The following PPM1A variants were observed in gnomAD, a reference collection of about 807,000 sequenced individuals.
PPM1A encodes the protein protein phosphatase 1A.
A neutral mutation model predicts 35.0 loss-of-function variants in PPM1A; 7 were observed. The ratio of observed to expected loss-of-function variants is 0.20; its 90% confidence interval spans 0.11 to 0.38. The LOEUF (loss-of-function observed/expected upper bound fraction) is 0.38. PPM1A is among the 10% of genes least tolerant of loss of function. The probability of loss-of-function intolerance (pLI) is 1.00; values close to 1 mark genes in which losing one functional copy is unlikely to be tolerated. For missense variants in PPM1A, 239 were observed against 467.8 expected (o/e 0.51, Z 4.51); for synonymous variants, 153 against 167.3 (o/e 0.91, Z 0.66).
chr14:60,265,214 C>T (rs1427731278), intron 1 of PPM1A, among the ~76,000 whole-genome samples: 3 of 152,210 alleles, frequency 2.0e-5, no homozygotes, highest in African/African-American at 7.2e-5. Context: ...ATCTATATTT[C>T]TTCTCACTGG....
At chr14:60,259,456 G>A (rs889055540) in intron 1 of PPM1A, among the ~76,000 whole-genome samples, 2 of 152,006 alleles carry the variant, frequency 1.3e-5, no homozygotes, top group African/African-American at 4.8e-5. Flanking sequence ...AGGATGGATT[G>A]GATCAGGAAG....
At chr14:60,286,555 A>G (rs1296611412) in intron 3 of PPM1A, 2 of 985,246 alleles carry the variant, frequency 2.0e-6, no homozygotes, top group East Asian at 2.3e-4. Context: ...AAATAGCGTT[A>G]AAATGCATTT....
rs933457390 is a variant in PPM1A, at chr14:60,249,352, T to C, written c.-346T>C. On this transcript the variant is annotated 5_prime_UTR_variant, in exon 1 of 6. Coordinates refer to ENST00000395076, the MANE Select transcript of PPM1A (RefSeq NM_021003.5). The surrounding 1 kb of genome is among the most constrained non-coding windows in gnomAD (Gnocchi z 4.5). Reference sequence around the variant, plus strand: ...CGGCTGTTGCTCCGGAACGGGTGGTTGGGGAGGGGGGGGTGGGGGGACTCT... The same window carrying C: ...CGGCTGTTGCTCCGGAACGGGTGGTCGGGGAGGGGGGGGTGGGGGGACTCT... 2.9e-5 allele frequency: 6 copies of C among 209,832 alleles called. No homozygotes were observed. Among genetic ancestry groups the C allele is most frequent in the Non-Finnish European group, 2.7e-5 (5 of 187,716 alleles). 13.0% of individuals were successfully genotyped at this position (209,832 alleles called of 1,614,324 possible).
upstream of PPM1A, among the ~76,000 whole-genome samples, chr14:60,247,367 C>T (rs1428329495): frequency 6.6e-6 from 1 of 152,034 alleles, no homozygotes; most frequent in East Asian, 1.9e-4. Context: ...CAGTGGCTCA[C>T]GACTGTAATC....
chr14:60,278,870 A>G (rs1886062980), intron 1 of PPM1A, among the ~76,000 whole-genome samples: 1 of 152,148 alleles, frequency 6.6e-6, no homozygotes, highest in African/African-American at 2.4e-5. Context: ...TATCCTTCCT[A>G]CCTTCTAATG....
At position 60,249,352 on chromosome 14, in the gene PPM1A, T is replaced by TGGGGAGGGG. The variant is rs1882033998; in HGVS notation, c.-341_-333dup. On this transcript the variant is annotated 5_prime_UTR_variant, in exon 1 of 6. Transcript: ENST00000395076. The surrounding 1 kb of genome is among the most constrained non-coding windows in gnomAD (Gnocchi z 4.5). Reference sequence around the variant, plus strand: ...CGGCTGTTGCTCCGGAACGGGTGGTTGGGGAGGGGGGGGTGGGGGGACTCT... The same window carrying TGGGGAGGGG: ...CGGCTGTTGCTCCGGAACGGGTGGTTGGGGAGGGGGGGGAGGGGGGGGTGGGGGGACTCT... The TGGGGAGGGG allele has an allele frequency of 4.8e-6, 1 of 209,746 alleles. No individual in the cohort carries two copies. The highest frequency in any genetic ancestry group is 5.3e-6 in the Non-Finnish European group (1 of 187,646). The allele number at this position is 209,746 out of a possible 1,614,324, so 13.0% of individuals were successfully genotyped here.
intron 1 of PPM1A, among the ~76,000 whole-genome samples, chr14:60,251,095 G>T (rs931015196): frequency 6.6e-6 from 1 of 152,168 alleles, no homozygotes; most frequent in African/African-American, 2.4e-5. Flanking sequence ...TTTTGTTCTT[G>T]TTATGTGTAA....
chr14:60,293,050 A>G lies in PPM1A; in HGVS notation c.*568A>G, dbSNP rs1253571051. ...AAATGTTCTTGGTAGGGGAGTTGGCATTGTTGATAAAGCCAGTCCCTTCAT... is the reference window on the plus strand; with the variant it reads ...AAATGTTCTTGGTAGGGGAGTTGGCGTTGTTGATAAAGCCAGTCCCTTCAT... On this transcript the variant is annotated 3_prime_UTR_variant, in exon 6 of 6. Coordinates refer to ENST00000395076, the MANE Select transcript of PPM1A (RefSeq NM_021003.5). The surrounding 1 kb of genome is among the most constrained non-coding windows in gnomAD (Gnocchi z 4.0). 1 of 152,128 alleles carries G rather than the reference A, an allele frequency of 6.6e-6. No individual in the cohort carries two copies. Among genetic ancestry groups the G allele is most frequent in the African/African-American group, 2.4e-5 (1 of 41,414 alleles). 9.4% of individuals were successfully genotyped at this position (152,128 alleles called of 1,614,324 possible). A position where few individuals can be genotyped will look rare whatever the true frequency, so the allele number is the denominator to read the frequency against.
At chr14:60,254,984 C>T (rs1882883240) in intron 1 of PPM1A, among the ~76,000 whole-genome samples, 1 of 152,104 alleles carries the variant, frequency 6.6e-6, no homozygotes, top group African/African-American at 2.4e-5. Context: ...GATCTTTGCT[C>T]ATGCTAGTGT....
At chr14:60,257,735 A>C (rs2139359266) in intron 1 of PPM1A, among the ~76,000 whole-genome samples, 1 of 152,312 alleles carries the variant, frequency 6.6e-6, no homozygotes, top group South Asian at 2.1e-4. Context: ...TACTGTGTGT[A>C]TAAAGATGAA....
chr14:60,288,353 T>C, intron 3 of PPM1A: 1 of 973,998 alleles, frequency 1.0e-6, no homozygotes, highest in Non-Finnish European at 1.2e-6. Context: ...ATTTCTATTG[T>C]ATCTAGTTAT....
upstream of PPM1A, chr14:60,246,039 T>C (rs912548588): frequency 1.9e-6 from 3 of 1,578,206 alleles, no homozygotes; most frequent in African/African-American, 1.4e-5. Flanking sequence ...GAAAAAAATA[T>C]GAAACAGGTA....
chr14:60,247,164 T>C (rs1468726339), upstream of PPM1A, among the ~76,000 whole-genome samples: 1 of 152,210 alleles, frequency 6.6e-6, no homozygotes, highest in African/African-American at 2.4e-5. Context: ...CCTGGAGTAT[T>C]AAGGATTCCA....
At position 60,260,221 on chromosome 14, in the gene PPM1A, T is replaced by C. The variant is rs531022905; in HGVS notation, c.-21+10544T>C. Among the ~76,000 whole-genome samples the C allele has an allele frequency of 7.9e-5, 12 of 152,226 alleles. No homozygotes were observed. The South Asian group carries it at 2.5e-3, about 32-fold the overall frequency. ...TGCTTTTTGAAATTTTGTATTGTCT[T>C]AATTTGGGGCACATTGAACTCAATA... is the stretch of plus-strand genomic sequence containing the variant. On this transcript the variant is annotated intron_variant, in intron 1 of 5. Coordinates refer to ENST00000395076, the MANE Select transcript of PPM1A (RefSeq NM_021003.5).
upstream of PPM1A, among the ~76,000 whole-genome samples, chr14:60,247,627 C>CAA (rs58749853): frequency 2.3e-3 from 114 of 50,170 alleles, 3 homozygotes; most frequent in African/African-American, 2.9e-3. Flanking sequence ...GACTCTGTCT[C>CAA]AAAAAAAAAA....
chr14:60,246,983 A>C (rs946325561), upstream of PPM1A, among the ~76,000 whole-genome samples: 7 of 152,240 alleles, frequency 4.6e-5, no homozygotes, highest in African/African-American at 1.7e-4. Context: ...AAGCAGAAAG[A>C]TAGGCAGGCA....
In PPM1A at chr14:60,290,567, C is replaced by A. The variant is rs538632014; in HGVS notation, c.1061+653C>A. 1.1e-4 allele frequency among the ~76,000 whole-genome samples: 16 copies of A among 152,206 alleles called. No individual in the cohort carries two copies. The South Asian group carries it at 3.3e-3, about 32-fold the overall frequency. On this transcript the variant is annotated intron_variant, in intron 4 of 5. Transcript: ENST00000395076. ...CTCAAATATCCATATAATTGACTTA[C>A]AAACATAAAACTTGCAAATACCTTT...
In PPM1A at chr14:60,293,832, T is replaced by C. The variant is rs955517762; in HGVS notation, c.*1350T>C. On this transcript the variant is annotated 3_prime_UTR_variant, in exon 6 of 6. Coordinates refer to ENST00000395076, the MANE Select transcript of PPM1A (RefSeq NM_021003.5). This position sits in a 1 kb window ranked among gnomAD's most constrained non-coding sequence, Gnocchi z 4.0. Reference sequence around the variant, plus strand: ...CAAATAACTTTCAAAGCTTAAGGAATTGTAGATATAAAAATAACCTAATTT... The same window carrying C: ...CAAATAACTTTCAAAGCTTAAGGAACTGTAGATATAAAAATAACCTAATTT... The C allele has an allele frequency of 6.6e-6, 1 of 151,964 alleles. No homozygotes were observed. Among genetic ancestry groups the C allele is most frequent in the African/African-American group, 2.4e-5 (1 of 41,422 alleles). 9.4% of individuals were successfully genotyped at this position (151,964 alleles called of 1,614,324 possible). A position where few individuals can be genotyped will look rare whatever the true frequency, so the allele number is the denominator to read the frequency against.
chr14:60,288,185 A>AT (rs1256167757), intron 3 of PPM1A: 1 of 984,736 alleles, frequency 1.0e-6, no homozygotes, highest in African/African-American at 1.7e-5. Flanking sequence ...GCTTTACATT[A>AT]TTTTTTTACA....
Sources: gnomAD v4.1 joint callset for allele counts (sites outside exome capture counted in the v4.1 genomes callset) on GRCh38, gnomAD v4.1.1 for gene constraint, Gnocchi (gnomAD v3.1) non-coding constraint, MANE v1.5 for transcripts, NCBI Gene and HGNC (gene_info 2026-07-23, HGNC 2026-07-21) for gene names.